The following AFF2 variants were observed in gnomAD, a reference collection of about 807,000 sequenced individuals.
The protein encoded by AFF2 is AF4/FMR2 family member 2.
Under a neutral mutation model 76.9 loss-of-function variants are expected in AFF2, and 14 were observed. The observed-to-expected ratio is 0.18, with a 90% CI of 0.12 to 0.28. The LOEUF (loss-of-function observed/expected upper bound fraction) is 0.28, where lower values mean the gene tolerates loss of function less well. AFF2 is among the 10% of genes least tolerant of loss of function. The pLI is 1.00. For missense variants in AFF2, 868 were observed against 1,001.1 expected (o/e 0.87, Z 1.79); for synonymous variants, 398 against 366.7 (o/e 1.09, Z -0.98).
chrX:148,936,828 A>G (rs191522279), intron 9 of AFF2, among the ~76,000 whole-genome samples: 2 of 112,664 alleles, frequency 1.8e-5, no homozygotes, highest in Non-Finnish European at 3.8e-5. Flanking sequence ...TCATTACTAC[A>G]TATCTTCTAG....
chrX:148,506,145 G>A (rs2052413765), intron 1 of AFF2, among the ~76,000 whole-genome samples: 1 of 111,488 alleles, frequency 9.0e-6, no homozygotes, highest in African/African-American at 3.3e-5. Context: ...TACAGATGAA[G>A]CAATGAAATC....
At chrX:148,654,982 T>C (rs1262914757) in intron 2 of AFF2, among the ~76,000 whole-genome samples, 19 of 111,515 alleles carry the variant, frequency 1.7e-4, no homozygotes, top group African/African-American at 5.9e-4. Context: ...TGATTTATTC[T>C]CCCTTCATAA....
Position 148,980,764 on chromosome X carries a change from A to G in AFF2, c.3597A>G (p.Ile1199Met). 8.3e-7 allele frequency: 1 copy of G among 1,199,727 alleles called. No individual in the cohort carries two copies. Among genetic ancestry groups the G allele is most frequent in the Non-Finnish European group, 1.1e-6 (1 of 887,426 alleles). ...FKQNASKVAQ[I>M]PSPWVSNGKN... is the part of the protein sequence containing the mutation. Reference sequence around the variant, plus strand: ...AAAATGCTTCAAAAGTCGCACAGATACCCTCTCCATGGGTAAGCAATGGAA... The same window carrying G: ...AAAATGCTTCAAAAGTCGCACAGATGCCCTCTCCATGGGTAAGCAATGGAA... Residue 1199 changes from isoleucine (I) to methionine (M), a missense_variant, in exon 19 of 21, where the codon ATA (isoleucine) becomes ATG (methionine). Ile to Met is a conservative substitution (Grantham distance 10, BLOSUM62 1). Coordinates refer to ENST00000370460, the MANE Select transcript of AFF2 (RefSeq NM_002025.4).
chrX:148,645,465 T>A (rs187871418), intron 1 of AFF2, among the ~76,000 whole-genome samples: 2 of 112,430 alleles, frequency 1.8e-5, no homozygotes, highest in Admixed American at 9.4e-5. Context: ...CTGGATGCCA[T>A]CTTTTTTGGA....
chrX:148,962,742 A>G lies in AFF2; in HGVS notation c.2718A>G (p.Arg906=). The G allele has an allele frequency of 3.3e-6, 4 of 1,209,360 alleles. No homozygotes were observed. The highest frequency in any genetic ancestry group is 4.5e-6 in the Non-Finnish European group (4 of 893,834). The stretch of plus-strand genomic sequence containing the variant: ...ATAATTCATCCAGGAGAGCAAATAG[A>G]AGAAAGGAAGAAAAACTATTTCCTC... ...RENNSSRRAN[R]RKEEKLFPPP... Residue 906 remains arginine (R), a synonymous_variant, in exon 13 of 21, where the codon AGA becomes AGG. Coordinates refer to ENST00000370460, the MANE Select transcript of AFF2 (RefSeq NM_002025.4).
chrX:148,894,185 T>G (rs2071255057), intron 8 of AFF2, among the ~76,000 whole-genome samples: 1 of 111,688 alleles, frequency 9.0e-6, no homozygotes, highest in Admixed American at 9.5e-5. Context: ...TGAAACACTT[T>G]GCCACTTTGA....
At chrX:148,697,782 G>T (rs1300833206) in intron 3 of AFF2, among the ~76,000 whole-genome samples, 5 of 111,881 alleles carry the variant, frequency 4.5e-5, no homozygotes, top group African/African-American at 1.6e-4. Flanking sequence ...ACCTGGTGGG[G>T]TTGTTGTATA....
At chrX:148,892,897 G>A (rs2071240152) in intron 8 of AFF2, among the ~76,000 whole-genome samples, 1 of 112,060 alleles carries the variant, frequency 8.9e-6, no homozygotes, top group African/African-American at 3.2e-5. Flanking sequence ...AGCCTCTTCA[G>A]TAATGACATC....
intron 3 of AFF2, among the ~76,000 whole-genome samples, chrX:148,797,553 A>G (rs2070001222): frequency 8.9e-6 from 1 of 112,186 alleles, no homozygotes; most frequent in Admixed American, 9.5e-5. Context: ...TGTCTTTTCC[A>G]AATGCCAAAG....
At chrX:148,677,573 A>G (rs782346326) in intron 3 of AFF2, among the ~76,000 whole-genome samples, 7 of 112,469 alleles carry the variant, frequency 6.2e-5, no homozygotes, top group Non-Finnish European at 1.3e-4. Context: ...AGTATATTAA[A>G]TATTAAATTA....
intron 3 of AFF2, among the ~76,000 whole-genome samples, chrX:148,767,457 A>G (rs1557267850): frequency 8.9e-6 from 1 of 111,748 alleles, no homozygotes; most frequent in African/African-American, 3.3e-5. Flanking sequence ...TAGACTCAAA[A>G]GAGCACTTTC....
intron 1 of AFF2, among the ~76,000 whole-genome samples, chrX:148,542,079 G>C (rs891640253): frequency 1.1e-4 from 12 of 109,850 alleles, no homozygotes; most frequent in African/African-American, 4.0e-4. Context: ...TGAATAACTT[G>C]TGTTTATTCT....
rs551836312 is a variant in AFF2 at position 148,802,713 on chromosome X, T to G, written c.1042-7163T>G. On this transcript the variant is annotated intron_variant, in intron 3 of 20. Coordinates refer to ENST00000370460, the MANE Select transcript of AFF2 (RefSeq NM_002025.4). ...TTTCCTGTCAGGTTTTTTCGCTACTTTATAAGATTTGTTACCTGAAAGTGA... is the reference window on the plus strand; with the variant it reads ...TTTCCTGTCAGGTTTTTTCGCTACTGTATAAGATTTGTTACCTGAAAGTGA... Among the ~76,000 whole-genome samples the G allele has an allele frequency of 4.0e-4, 45 of 111,578 alleles. No homozygotes were observed. In the South Asian group the frequency reaches 0.017, roughly 41 times the overall value.
chrX:148,877,841 A>T (rs1326067646), intron 7 of AFF2, among the ~76,000 whole-genome samples: 5 of 111,996 alleles, frequency 4.5e-5, no homozygotes, highest in African/African-American at 1.6e-4. Context: ...TTAGTATTTC[A>T]GTTGTTTTGG....
chrX:148,806,814 C>T (rs1205879570), intron 3 of AFF2, among the ~76,000 whole-genome samples: 3 of 111,922 alleles, frequency 2.7e-5, no homozygotes, highest in East Asian at 2.8e-4. Flanking sequence ...CCTGAGACTC[C>T]GAGTGATTTG....
At chrX:148,971,658 T>C (rs2341923) in intron 15 of AFF2, among the ~76,000 whole-genome samples, 1 of 109,829 alleles carries the variant, frequency 9.1e-6, no homozygotes, top group Admixed American at 9.7e-5. Flanking sequence ...CCAAGGCATG[T>C]CAAGAAGAAT....
intron 3 of AFF2, among the ~76,000 whole-genome samples, chrX:148,761,159 T>C (rs1557267233): frequency 1.8e-5 from 2 of 112,297 alleles, no homozygotes; most frequent in Non-Finnish European, 3.8e-5. Flanking sequence ...ATTGATCCTG[T>C]GTTTCACTTT....
intron 3 of AFF2, among the ~76,000 whole-genome samples, chrX:148,729,999 G>A (rs1557264550): frequency 9.0e-6 from 1 of 111,686 alleles, no homozygotes; most frequent in Non-Finnish European, 1.9e-5. Context: ...GTGAGTGGTA[G>A]CATATCTGTG....
intron 9 of AFF2, among the ~76,000 whole-genome samples, chrX:148,941,769 G>A (rs1361886056): frequency 2.7e-5 from 3 of 111,458 alleles, no homozygotes; most frequent in Non-Finnish European, 3.8e-5. Flanking sequence ...CAACCTATTT[G>A]CCTGATTATT....
Sources: gnomAD v4.1 joint callset for allele counts (sites outside exome capture counted in the v4.1 genomes callset) on GRCh38, gnomAD v4.1.1 for gene constraint, MANE v1.5 for transcripts, NCBI Gene and HGNC (gene_info 2026-07-23, HGNC 2026-07-21) for gene names.